Variants in RBPJ observed in about 807,000 individuals in gnomAD.
RBPJ encodes the protein recombination signal binding protein for immunoglobulin kappa J region.
Under a neutral mutation model 67.8 loss-of-function variants are expected in RBPJ, and 9 were observed. The observed-to-expected ratio is 0.13, with a 90% confidence interval of 0.08 to 0.23. The LOEUF (loss-of-function observed/expected upper bound fraction) is 0.23. Among genes scored for constraint, RBPJ ranks in the 10% least tolerant of loss-of-function variants. The pLI, the probability that RBPJ is intolerant of heterozygous loss-of-function variation, is 1.00. For missense variants in RBPJ, 305 were observed against 595.6 expected (o/e 0.51, Z 5.08); for synonymous variants, 198 against 203.3 (o/e 0.97, Z 0.22).
chr4:26,342,071 C>T (rs1457697671), intron 1 of RBPJ, among the ~76,000 whole-genome samples: 2 of 152,052 alleles, frequency 1.3e-5, no homozygotes, highest in Non-Finnish European at 2.9e-5. Context: ...ATGGTTGGAC[C>T]CCATCTCCAG....
At chr4:26,144,973 C>A in the RBPJ span, among the ~76,000 whole-genome samples, 4 of 151,890 alleles carry the variant, frequency 2.6e-5, no homozygotes, top group Non-Finnish European at 5.9e-5. Context: ...TTTCAGGCAA[C>A]TGAAAATTTC....
upstream of RBPJ, chr4:26,320,909 G>C: frequency 6.3e-7 from 1 of 1,597,466 alleles, no homozygotes; most frequent in Non-Finnish European, 8.5e-7. Context: ...GGGAAAGGGA[G>C]CGCGGGGGCT....
At chr4:26,415,227 G>T (rs923833291) in intron 3 of RBPJ, among the ~76,000 whole-genome samples, 1 of 152,168 alleles carries the variant, frequency 6.6e-6, no homozygotes, top group Non-Finnish European at 1.5e-5. Flanking sequence ...ACTCTAAAAA[G>T]TATTTAATCT....
At chr4:26,169,444 A>G (rs1176385688) in intron 1 of RBPJ, among the ~76,000 whole-genome samples, 1 of 152,168 alleles carries the variant, frequency 6.6e-6, no homozygotes, top group Non-Finnish European at 1.5e-5. Context: ...TTTGTCTCAG[A>G]GGAGTACCCG....
chr4:26,109,425 C>G, the RBPJ span, among the ~76,000 whole-genome samples: 1 of 22,892 alleles, frequency 4.4e-5, no homozygotes, highest in Admixed American at 6.7e-4. Context: ...TCTCTCTCTC[C>G]CTCTCTCTCT....
At chr4:26,245,083 A>C (rs1405867258) in intron 1 of RBPJ, among the ~76,000 whole-genome samples, 2 of 151,708 alleles carry the variant, frequency 1.3e-5, no homozygotes, top group Non-Finnish European at 2.9e-5. Context: ...TGTATCCTCA[A>C]GTTTGTACAA....
chr4:26,179,069 C>T (rs955399306), intron 1 of RBPJ, among the ~76,000 whole-genome samples: 42 of 152,074 alleles, frequency 2.8e-4, no homozygotes, highest in African/African-American at 9.7e-4. Flanking sequence ...GGGACCCATG[C>T]AGCGTGCACC....
chr4:26,287,667 A>C (rs940171571), intron 1 of RBPJ, among the ~76,000 whole-genome samples: 2 of 128,222 alleles, frequency 1.6e-5, no homozygotes, highest in African/African-American at 3.4e-5. Flanking sequence ...AAGAGAAGAA[A>C]AGAAAAGAAA....
In RBPJ at chr4:26,386,370, C is replaced by T. The variant is rs1430343519; in HGVS notation, c.38C>T (p.Pro13Leu). 6.2e-7 allele frequency: 1 copy of T among 1,601,208 alleles called. No homozygotes were observed. Among genetic ancestry groups the T allele is most frequent in the East Asian group, 2.2e-5 (1 of 44,736 alleles). ...PVVTGKFGER[P>L]PPKRLTREAM... Reference sequence around the variant, plus strand: ...TTTTCCAGGAAATTTGGTGAGCGGCCTCCACCTAAACGACTTACTAGGTGA... The same window carrying T: ...TTTTCCAGGAAATTTGGTGAGCGGCTTCCACCTAAACGACTTACTAGGTGA... The change falls in exon 2 of 11, where the codon CCT becomes CTT. Residue 13 changes from proline to leucine, a missense_variant. Pro to Leu is a moderately conservative substitution (Grantham distance 98). Coordinates refer to ENST00000355476, the MANE Select transcript of RBPJ (RefSeq NM_015874.6).
At chr4:26,422,168 A>G (rs1042005739) in intron 5 of RBPJ, among the ~76,000 whole-genome samples, 1 of 149,874 alleles carries the variant, frequency 6.7e-6, no homozygotes, top group Non-Finnish European at 1.5e-5. Flanking sequence ...TAAGATATAC[A>G]TTTATTTCCA....
At chr4:26,319,335 C>A (rs967945562), upstream of RBPJ, among the ~76,000 whole-genome samples, 3 of 152,212 alleles carry the variant, frequency 2.0e-5, no homozygotes, top group African/African-American at 7.2e-5. Flanking sequence ...CTCCCCACCC[C>A]TCGTCTTCCA....
chr4:26,208,612 A>G (rs1481797684), intron 1 of RBPJ, among the ~76,000 whole-genome samples: 1 of 152,208 alleles, frequency 6.6e-6, no homozygotes, highest in Non-Finnish European at 1.5e-5. Context: ...CATATATCCT[A>G]TTATGATGAA....
At chr4:26,415,366 G>T (rs144448661) in intron 3 of RBPJ, 109 bp from the exon 4 acceptor site, 1 of 946,812 alleles carries the variant, frequency 1.1e-6, no homozygotes, top group East Asian at 2.7e-5. Context: ...TGGGGAATAG[G>T]TGCATTTCAA....
upstream of RBPJ, among the ~76,000 whole-genome samples, chr4:26,159,923 C>CTT (rs1553843605): frequency 5.4e-4 from 77 of 141,320 alleles, no homozygotes; most frequent in African/African-American, 1.4e-3. Context: ...CTCTCTCTCT[C>CTT]TTTTTTTTTT....
chr4:26,202,074 C>T (rs138083878), intron 1 of RBPJ, among the ~76,000 whole-genome samples: 17 of 152,188 alleles, frequency 1.1e-4, no homozygotes, highest in Non-Finnish European at 2.1e-4. Context: ...TTCTTCTCAG[C>T]ACTTTGCTGA....
intron 1 of RBPJ, among the ~76,000 whole-genome samples, chr4:26,186,610 GATGTACAGGCCAA>G (rs1717272813): frequency 1.3e-5 from 2 of 152,152 alleles, no homozygotes; most frequent in Non-Finnish European, 2.9e-5. Flanking sequence ...GAGGTGCTGA[GATGTACAGGCCAA>G]GGCTTGGCCA....
At chr4:26,178,607 CAAAAAAAAA>C (rs1173498137) in intron 1 of RBPJ, among the ~76,000 whole-genome samples, 4 of 58,738 alleles carry the variant, frequency 6.8e-5, no homozygotes, top group African/African-American at 2.4e-4. Context: ...GACCCCGTAT[CAAAAAAAAA>C]AAAAAAAAAA....
chr4:26,350,406 T>C (rs1726674119), intron 1 of RBPJ, among the ~76,000 whole-genome samples: 1 of 152,214 alleles, frequency 6.6e-6, no homozygotes, highest in African/African-American at 2.4e-5. Flanking sequence ...TCAGTCTTTC[T>C]GCCATGACAG....
At chr4:26,418,295 G>A (rs909818903) in intron 4 of RBPJ, among the ~76,000 whole-genome samples, 3 of 152,138 alleles carry the variant, frequency 2.0e-5, no homozygotes, top group Admixed American at 6.5e-5. Flanking sequence ...CAATAGCAAG[G>A]CAAATGTAAT....
Sources: gnomAD v4.1 joint callset for allele counts (sites outside exome capture counted in the v4.1 genomes callset) on GRCh38, gnomAD v4.1.1 for gene constraint, MANE v1.5 for transcripts, NCBI Gene and HGNC (gene_info 2026-07-23, HGNC 2026-07-21) for gene names.